The following ADAMTSL1 variants were observed in gnomAD, a reference collection of about 807,000 sequenced individuals.
The protein encoded by ADAMTSL1 is ADAMTS-like protein 1.
ADAMTSL1 carries 126 observed loss-of-function variants against 201.8 expected under a neutral mutation model. The ratio of observed to expected loss-of-function variants is 0.62; its 90% CI spans 0.54 to 0.72. The LOEUF (loss-of-function observed/expected upper bound fraction) is 0.72, where lower values mean the gene tolerates loss of function less well. ADAMTSL1 is among the 30% of genes least tolerant of loss of function. The pLI is 0.00. For missense variants in ADAMTSL1, 2,679 were observed against 2,277.8 expected, an observed-to-expected ratio of 1.18 and a Z score of -3.59; for synonymous variants, 1,121 against 903.4, an observed-to-expected ratio of 1.24 and a Z score of -4.32.
rs567512493 is a variant in ADAMTSL1, at chr9:18,109,124, C to T, written c.88-54738C>T. On this transcript the variant is annotated intron_variant, in intron 1 of 29. Coordinates refer to the ADAMTSL1 transcript ENST00000680146. Reference sequence around the variant, plus strand: ...ATTAGAAGTTTAAGACTTGTGAATACAATTTTATTGACAAATTCCCTCGCC... The same window carrying T: ...ATTAGAAGTTTAAGACTTGTGAATATAATTTTATTGACAAATTCCCTCGCC... Among the ~76,000 whole-genome samples the T allele has an allele frequency of 7.2e-5, 11 of 152,302 alleles. No individual in the cohort carries two copies. In the East Asian group the frequency reaches 2.1e-3, roughly 29 times the overall value.
intron 3 of ADAMTSL1, among the ~76,000 whole-genome samples, chr9:18,541,320 G>T (rs1820130993): frequency 1.3e-5 from 2 of 152,160 alleles, no homozygotes; most frequent in South Asian, 4.1e-4. Context: ...GACCAGCCTG[G>T]TCAACATGGT....
At chr9:18,780,076 C>G (rs1171316724) in intron 19 of ADAMTSL1, among the ~76,000 whole-genome samples, 1 of 152,148 alleles carries the variant, frequency 6.6e-6, no homozygotes, top group African/African-American at 2.4e-5. Flanking sequence ...ACATTGAGCC[C>G]CTGGATTAGA....
intron 3 of ADAMTSL1, among the ~76,000 whole-genome samples, chr9:18,542,543 A>G (rs1156654767): frequency 6.6e-6 from 1 of 152,206 alleles, no homozygotes; most frequent in East Asian, 1.9e-4. Context: ...TCTTTAAAGA[A>G]GATATTAGGA....
At position 17,913,101 on chromosome 9, in the gene ADAMTSL1, G is replaced by T. The variant is rs4294283; in HGVS notation, c.87+6179G>T. On this transcript the variant is annotated intron_variant, in intron 1 of 29. Transcript: ENST00000680146. The stretch of plus-strand genomic sequence containing the variant: ...CCATGCTGTTTTGGTTACTGTAGCC[G>T]TGTAGTATAGTTTGAAGTCAGGTAG... Among the ~76,000 whole-genome samples the T allele has an allele frequency of 2.5e-4, 38 of 151,864 alleles. No individual in the cohort carries two copies. In the South Asian group the frequency reaches 3.1e-3, roughly 12 times the overall value.
intron 2 of ADAMTSL1, among the ~76,000 whole-genome samples, chr9:18,207,265 T>TAAA (rs1829690251): frequency 6.6e-6 from 1 of 152,048 alleles, no homozygotes; most frequent in Non-Finnish European, 1.5e-5. Flanking sequence ...AAGAAAAGAA[T>TAAA]AAAAGATTAC....
chr9:18,284,093 G>A (rs189074258), intron 2 of ADAMTSL1, among the ~76,000 whole-genome samples: 200 of 151,296 alleles, frequency 1.3e-3, no homozygotes, highest in African/African-American at 4.2e-3. Flanking sequence ...AGCTGGGCGT[G>A]GTCACACATT....
chr9:17,994,644 A>G (rs1819298817), intron 1 of ADAMTSL1, among the ~76,000 whole-genome samples: 3 of 152,196 alleles, frequency 2.0e-5, no homozygotes, highest in African/African-American at 7.2e-5. Flanking sequence ...TATTTAAGAT[A>G]AAGTTAACAA....
chr9:18,195,458 G>A (rs905013176), intron 2 of ADAMTSL1, among the ~76,000 whole-genome samples: 1 of 152,134 alleles, frequency 6.6e-6, no homozygotes, highest in African/African-American at 2.4e-5. Context: ...CTAGGGTCAA[G>A]GCTAAGTTCC....
At chr9:18,521,858 G>A (rs1395638000) in intron 2 of ADAMTSL1, among the ~76,000 whole-genome samples, 1 of 152,128 alleles carries the variant, frequency 6.6e-6, no homozygotes, top group Non-Finnish European at 1.5e-5. Context: ...TTAGAATATG[G>A]GACTTGTGAA....
intron 23 of ADAMTSL1, among the ~76,000 whole-genome samples, chr9:18,847,647 T>C (rs866793660): frequency 6.9e-6 from 1 of 143,926 alleles, no homozygotes; most frequent in Non-Finnish European, 1.6e-5. Flanking sequence ...AGCCTTCACA[T>C]GTCTGGAGAG....
chr9:17,920,274 C>T (rs535323786), intron 1 of ADAMTSL1, among the ~76,000 whole-genome samples: 1 of 152,268 alleles, frequency 6.6e-6, no homozygotes, highest in African/African-American at 2.4e-5. Flanking sequence ...TGCTAGCATT[C>T]CTCCTTTCAC....
chr9:17,985,579 G>A (rs181132140), intron 1 of ADAMTSL1, among the ~76,000 whole-genome samples: 40 of 152,212 alleles, frequency 2.6e-4, no homozygotes, highest in African/African-American at 8.9e-4. Context: ...TGACTGAAAT[G>A]TAGAAACATT....
chr9:18,331,801 A>C (rs542953948), intron 2 of ADAMTSL1, among the ~76,000 whole-genome samples: 28 of 152,204 alleles, frequency 1.8e-4, no homozygotes, highest in Non-Finnish European at 3.5e-4. Context: ...CATTGCTTGG[A>C]GTCTTCCTTA....
chr9:18,312,707 T>C (rs886223960), intron 2 of ADAMTSL1, among the ~76,000 whole-genome samples: 2 of 152,204 alleles, frequency 1.3e-5, no homozygotes, highest in African/African-American at 4.8e-5. Flanking sequence ...ATCAAACCTG[T>C]TGATTCCTGT....
At chr9:18,858,746 A>T (rs1445065326) in intron 23 of ADAMTSL1, among the ~76,000 whole-genome samples, 1 of 152,164 alleles carries the variant, frequency 6.6e-6, no homozygotes. Flanking sequence ...ACATGATCTC[A>T]GGTCTTACCT....
intron 1 of ADAMTSL1, among the ~76,000 whole-genome samples, chr9:18,501,602 A>C (rs1822850563): frequency 2.0e-5 from 3 of 152,220 alleles, no homozygotes; most frequent in Admixed American, 2.0e-4. Flanking sequence ...AAGTCTTAAA[A>C]ACTGCAATAA....
chr9:18,393,721 T>C (rs1490517479), intron 2 of ADAMTSL1, among the ~76,000 whole-genome samples: 1 of 152,182 alleles, frequency 6.6e-6, no homozygotes, highest in Non-Finnish European at 1.5e-5. Context: ...TGGCAGTGCC[T>C]TACTTTTAAG....
rs143928660 is a variant in ADAMTSL1 at position 18,127,644 on chromosome 9, G to A, written c.88-36218G>A. On this transcript the variant is annotated intron_variant, in intron 1 of 29. Coordinates refer to the ADAMTSL1 transcript ENST00000680146. The stretch of plus-strand genomic sequence containing the variant: ...ACATTTGGCAGGCTGCATGTGGAAA[G>A]TTTTCACATCTTGTCAACCTTGTTT... Among the ~76,000 whole-genome samples, 211 of 152,292 alleles carry A rather than the reference G, an allele frequency of 1.4e-3. 2 individuals carry two copies. In the East Asian group the frequency reaches 0.018, roughly 13 times the overall value.
At chr9:18,274,084 A>G (rs1832491426) in intron 2 of ADAMTSL1, among the ~76,000 whole-genome samples, 1 of 152,238 alleles carries the variant, frequency 6.6e-6, no homozygotes, top group Non-Finnish European at 1.5e-5. Context: ...TGGAAGAGAA[A>G]TTTTGAATGA....
Sources: gnomAD v4.1 joint callset for allele counts (sites outside exome capture counted in the v4.1 genomes callset) on GRCh38, gnomAD v4.1.1 for gene constraint, MANE v1.5 for transcripts, NCBI Gene and HGNC (gene_info 2026-07-23, HGNC 2026-07-21) for gene names.